Variants in CPEB4 observed in about 807,000 individuals in gnomAD.
The protein encoded by CPEB4 is cytoplasmic polyadenylation element binding protein 4.
A neutral mutation model predicts 72.5 loss-of-function variants in CPEB4; 12 were observed. That is an observed-to-expected ratio of 0.17 (90% CI 0.11 to 0.27). The LOEUF (loss-of-function observed/expected upper bound fraction) is 0.27, where lower values mean the gene tolerates loss of function less well. CPEB4 is among the 10% of genes least tolerant of loss of function. The probability of loss-of-function intolerance (pLI) is 1.00; values close to 1 mark genes in which losing one functional copy is unlikely to be tolerated. For missense variants in CPEB4, 614 were observed against 908.5 expected, an observed-to-expected ratio of 0.68 and a Z score of 4.17; for synonymous variants, 302 against 326.3, an observed-to-expected ratio of 0.93 and a Z score of 0.80.
chr5:173,894,412 A>G (rs1358631036), intron 1 of CPEB4, among the ~76,000 whole-genome samples: 2 of 152,066 alleles, frequency 1.3e-5, no homozygotes, highest in East Asian at 1.9e-4. Context: ...CTTGAGGTCA[A>G]GAGTTCAAGA....
At chr5:173,943,878 T>C (rs1757930199) in intron 4 of CPEB4, among the ~76,000 whole-genome samples, 1 of 152,202 alleles carries the variant, frequency 6.6e-6, no homozygotes, top group African/African-American at 2.4e-5. Context: ...TTGAGATACA[T>C]TTCTAGAAGA....
intron 5 of CPEB4, 94 bp from the exon 6 acceptor site, chr5:173,949,411 GTTC>G: frequency 1.2e-6 from 1 of 850,154 alleles, no homozygotes; most frequent in Non-Finnish European, 1.9e-6. Flanking sequence ...TCTTTTTACT[GTTC>G]TTGTAAATAG....
At chr5:173,903,641 T>TA (rs147988131) in intron 1 of CPEB4, among the ~76,000 whole-genome samples, 26 of 151,278 alleles carry the variant, frequency 1.7e-4, no homozygotes, top group Non-Finnish European at 2.5e-4. Flanking sequence ...ATCTGGATGT[T>TA]AAAAAAAAAT....
At chr5:173,949,816 G>A in intron 6 of CPEB4, 144 bp from the exon 7 acceptor site, 1 of 727,198 alleles carries the variant, frequency 1.4e-6, no homozygotes. Context: ...GTATGTTGAT[G>A]TCATCAGACT....
At chr5:173,913,066 T>C (rs1163777873) in intron 2 of CPEB4, among the ~76,000 whole-genome samples, 1 of 152,160 alleles carries the variant, frequency 6.6e-6, no homozygotes, top group Non-Finnish European at 1.5e-5. Flanking sequence ...ATTTTCTAAG[T>C]GCCTATGGTT....
chr5:173,954,964 T>G, intron 9 of CPEB4, among the ~76,000 whole-genome samples: 1 of 151,988 alleles, frequency 6.6e-6, no homozygotes, highest in African/African-American at 2.4e-5. Flanking sequence ...AGAGGGAGGG[T>G]CTCACTCTGT....
In CPEB4 at chr5:173,956,071, A is replaced by G; in HGVS notation, c.2124A>G (p.Glu708=). The part of the protein sequence containing the change: ...WAAIHSRAGR[E]FHKPLVKEGG... ...CTATCCATTCTCGTGCTGGCAGGGA[A>G]TTCCACAAGCCCCTGGTGAAGGAAG... The change falls in exon 10 of 10, where the codon GAA becomes GAG. Residue 708 remains glutamate (E), a synonymous_variant. Coordinates refer to ENST00000265085, the MANE Select transcript of CPEB4 (RefSeq NM_030627.4). The G allele has an allele frequency of 6.2e-7, 1 of 1,614,142 alleles. No homozygotes were observed. Among genetic ancestry groups the G allele is most frequent in the Non-Finnish European group, 8.5e-7 (1 of 1,180,014 alleles).
intron 2 of CPEB4, among the ~76,000 whole-genome samples, chr5:173,911,537 T>A (rs1756659896): frequency 1.3e-5 from 2 of 152,140 alleles, no homozygotes; most frequent in East Asian, 3.9e-4. Flanking sequence ...TATTTTTTAA[T>A]ATCTCAGGTG....
rs567726337 is a variant in CPEB4, at chr5:173,908,823, TTGTAA to T, written c.1126-1694_1126-1690del. Among the ~76,000 whole-genome samples the T allele has an allele frequency of 2.4e-3, 361 of 152,324 alleles. 4 individuals carry two copies. Among genetic ancestry groups the T allele is most frequent in the African/African-American group, 8.5e-3 (353 of 41,570 alleles). ...ATAAAGTCAAAGCTTTGAATTTAAATTGTAATGTAAAAGGAAATATAATTGAATAG... is the reference window on the plus strand; with the variant it reads ...ATAAAGTCAAAGCTTTGAATTTAAATTGTAAAAGGAAATATAATTGAATAG... On this transcript the variant is annotated intron_variant, in intron 1 of 9. Coordinates refer to ENST00000265085, the MANE Select transcript of CPEB4 (RefSeq NM_030627.4).
intron 1 of CPEB4, among the ~76,000 whole-genome samples, chr5:173,905,939 G>A (rs1446779692): frequency 3.3e-5 from 5 of 152,178 alleles, no homozygotes; most frequent in Admixed American, 6.5e-5. Flanking sequence ...AAGTGCCCAA[G>A]CTCATAAAAT....
intron 4 of CPEB4, 66 bp downstream of exon 4, chr5:173,943,115 T>A: frequency 6.6e-7 from 1 of 1,520,608 alleles, no homozygotes; most frequent in South Asian, 1.2e-5. Context: ...TTGTTTAATT[T>A]CTAACCTTTG....
Position 173,959,310 on chromosome 5 carries a change from C to T in CPEB4, c.*3173C>T. 6.5e-6 allele frequency: 1 copy of T among 152,750 alleles called. No individual in the cohort carries two copies. Among genetic ancestry groups the T allele is most frequent in the East Asian group, 1.9e-4 (1 of 5,334 alleles). 9.5% of individuals were successfully genotyped at this position (152,750 alleles called of 1,614,324 possible). On this transcript the variant is annotated 3_prime_UTR_variant, in exon 10 of 10. Coordinates refer to ENST00000265085, the MANE Select transcript of CPEB4 (RefSeq NM_030627.4). ...TATGTAAAGGAACCCTCTCCTTTCC[C>T]CTTCTGGTCCCTGCGCTTTGGTATA...
chr5:173,940,115 AAT>A (rs1300102223), intron 3 of CPEB4, among the ~76,000 whole-genome samples: 1 of 152,206 alleles, frequency 6.6e-6, no homozygotes, highest in East Asian at 1.9e-4. Context: ...ATAAAAATAA[AAT>A]AAATCAAAAC....
At chr5:173,932,426 G>A (rs186178100) in intron 2 of CPEB4, 24 bp from the exon 3 acceptor site, 168 of 1,600,232 alleles carry the variant, frequency 1.0e-4, no homozygotes, top group Non-Finnish European at 1.4e-4. Context: ...AGTAAACTTA[G>A]TAACGGCCTT....
intron 3 of CPEB4, 46 bp from the exon 4 acceptor site, chr5:173,942,980 G>T (rs772381212): frequency 2.5e-6 from 4 of 1,590,766 alleles, no homozygotes; most frequent in South Asian, 1.1e-5. Flanking sequence ...TGTTTGAAAG[G>T]TTGTTTTGTT....
At chr5:173,924,888 C>T (rs1161151423) in intron 2 of CPEB4, among the ~76,000 whole-genome samples, 2 of 152,118 alleles carry the variant, frequency 1.3e-5, no homozygotes, top group Non-Finnish European at 2.9e-5. Flanking sequence ...GATCTCATTG[C>T]CCTACAGCAA....
chr5:173,917,303 T>G (rs1387442477), intron 2 of CPEB4, among the ~76,000 whole-genome samples: 1 of 152,226 alleles, frequency 6.6e-6, no homozygotes, highest in Non-Finnish European at 1.5e-5. Flanking sequence ...TATTTAACCT[T>G]TTTCTATTTA....
intron 2 of CPEB4, among the ~76,000 whole-genome samples, chr5:173,916,376 A>T (rs946184697): frequency 1.2e-4 from 18 of 152,216 alleles, no homozygotes; most frequent in African/African-American, 3.6e-4. Flanking sequence ...TGCATTCAGA[A>T]ATGCAAGTTG....
At position 173,920,890 on chromosome 5, in the gene CPEB4, C is replaced by G. The variant is rs368358740; in HGVS notation, c.1207+10286C>G. Among the ~76,000 whole-genome samples the G allele has an allele frequency of 5.1e-4, 78 of 152,248 alleles. 1 individual carries two copies. The highest frequency in any genetic ancestry group is 6.8e-3 in the Middle Eastern group (2 of 294). On this transcript the variant is annotated intron_variant, in intron 2 of 9. Transcript: ENST00000265085. ...AGTCGGTTGAGTGAAGGCTTTGGGT[C>G]TAAACTACATCTTTTCTTTTTGAGA...
Sources: allele counts gnomAD v4.1 joint callset (sites outside exome capture counted in the v4.1 genomes callset), GRCh38; gene constraint gnomAD v4.1.1; transcripts MANE v1.5; gene names NCBI Gene and HGNC (gene_info 2026-07-23, HGNC 2026-07-21).